The following ELL variants were observed in gnomAD, a reference collection of about 807,000 sequenced individuals.
The protein encoded by ELL is elongation factor for RNA polymerase II.
In ELL, 18 loss-of-function variants were observed where a neutral mutation model predicts 64.0. The ratio of observed to expected loss-of-function variants is 0.28; its 90% CI spans 0.19 to 0.42. The LOEUF is 0.42. ELL is among the 10% of genes least tolerant of loss of function. ELL has a pLI of 1.00. For synonymous variants in ELL, 399 were observed against 376.2 expected (o/e 1.06, Z -0.70); for missense variants, 797 against 870.4 (o/e 0.92, Z 1.06).
At chr19:18,521,836 A>AT in intron 1 of ELL, 85 bp downstream of exon 1, 1 of 1,486,038 alleles carries the variant, frequency 6.7e-7, no homozygotes. Flanking sequence ...AGCGTCTCCG[A>AT]GCCCGGACGC....
At chr19:18,509,582 T>TGTGCGCGCGCGCGCGC (rs1555739214) in intron 1 of ELL, among the ~76,000 whole-genome samples, 7 of 95,536 alleles carry the variant, frequency 7.3e-5, no homozygotes, top group African/African-American at 2.8e-4. Context: ...CCAATGCACG[T>TGTGCGCGCGCGCGCGC]GCGCGCGCGC....
chr19:18,453,865 G>A (rs924570760), intron 6 of ELL, among the ~76,000 whole-genome samples: 9 of 152,130 alleles, frequency 5.9e-5, no homozygotes, highest in African/African-American at 7.2e-5. Context: ...CACCACGCCC[G>A]GTCCTGATTC....
intron 1 of ELL, among the ~76,000 whole-genome samples, chr19:18,520,945 G>T (rs986502981): frequency 7.9e-5 from 12 of 152,066 alleles, no homozygotes; most frequent in African/African-American, 2.9e-4. Flanking sequence ...GACACAAACA[G>T]AAATGAAAAA....
At chr19:18,491,751 CA>C (rs199607470) in intron 1 of ELL, among the ~76,000 whole-genome samples, 2 of 150,044 alleles carry the variant, frequency 1.3e-5, no homozygotes, top group Non-Finnish European at 3.0e-5. Flanking sequence ...CCTGTCTCTA[CA>C]AAAAAAAACA....
Position 18,445,211 on chromosome 19 carries a change from A to C in ELL, c.1749+13T>G. Reference sequence around the variant, plus strand: ...GCTCACTTGGAGCCCACCCCAACACAAGAGACACTCACCTTTTTGATTTTT... The same window carrying C: ...GCTCACTTGGAGCCCACCCCAACACCAGAGACACTCACCTTTTTGATTTTT... On this transcript the variant is annotated intron_variant, in intron 11 of 11. Coordinates refer to ENST00000262809, the MANE Select transcript of ELL (RefSeq NM_006532.4). 1 of 1,614,086 alleles carries C rather than the reference A, an allele frequency of 6.2e-7. No homozygotes were observed.
intron 1 of ELL, among the ~76,000 whole-genome samples, chr19:18,521,633 G>C (rs912385216): frequency 6.6e-6 from 1 of 152,008 alleles, no homozygotes; most frequent in Non-Finnish European, 1.5e-5. Flanking sequence ...GAAAGGCCCC[G>C]GACGCCGCCA....
At chr19:18,447,775 C>T (rs796068797) in intron 8 of ELL, among the ~76,000 whole-genome samples, 18 of 152,152 alleles carry the variant, frequency 1.2e-4, no homozygotes, top group African/African-American at 4.3e-4. Context: ...TCAGATGTAT[C>T]CTCAATACAC....
At position 18,444,788 on chromosome 19, in the gene ELL, G is replaced by T. The variant is rs777550277; in HGVS notation, c.1830C>A (p.Ala610=). 13 of 1,609,464 alleles carry T rather than the reference G, an allele frequency of 8.1e-6. No individual in the cohort carries two copies. Among genetic ancestry groups the T allele is most frequent in the Non-Finnish European group, 1.0e-5 (12 of 1,179,720 alleles). The part of the protein sequence containing the change: ...SKLAHIKRLI[A]EYDQRQLQAW... ...CCTGCAGCTGCCGCTGGTCGTACTC[G>T]GCGATGAGCCTCTTGATGTGGGCCA... The change falls in exon 12 of 12, where the codon GCC becomes GCA. Residue 610 remains alanine, a synonymous_variant. Transcript: ENST00000262809.
At chr19:18,493,689 G>C (rs1239277734) in intron 1 of ELL, among the ~76,000 whole-genome samples, 2 of 152,204 alleles carry the variant, frequency 1.3e-5, no homozygotes, top group African/African-American at 4.8e-5. Flanking sequence ...CCAAGGCTCA[G>C]TTGGCCCTGC....
At position 18,451,357 on chromosome 19, in the gene ELL, C is replaced by T. The variant is rs566403131; in HGVS notation, c.966+195G>A. Among the ~76,000 whole-genome samples the T allele has an allele frequency of 1.4e-4, 22 of 152,346 alleles. No homozygotes were observed. The South Asian group carries it at 3.3e-3, about 23-fold the overall frequency. On this transcript the variant is annotated intron_variant, in intron 7 of 11. Transcript: ENST00000262809. ...TCCGCACTGTGACACTGGGGTGCTG[C>T]GGCCACACTGGCAGGAATCTGCCCC... is the stretch of plus-strand genomic sequence containing the variant.
Position 18,450,580 on chromosome 19 carries a change from C to A in ELL, c.1362G>T (p.Lys454Asn). Residue 454 changes from lysine (K) to asparagine (N), a missense_variant, in exon 8 of 12, where the codon AAG becomes AAT. Coordinates refer to ENST00000262809, the MANE Select transcript of ELL (RefSeq NM_006532.4). The part of the protein sequence containing the change: ...SRSKPKKKSK[K>N]HKDKERAAED... ...CAGCCGCCCTCTCCTTGTCTTTGTGCTTCTTGGACTTCTTCTTGGGCTTGC... is the reference window on the plus strand; with the variant it reads ...CAGCCGCCCTCTCCTTGTCTTTGTGATTCTTGGACTTCTTCTTGGGCTTGC... 6.2e-7 allele frequency: 1 copy of A among 1,612,824 alleles called. No homozygotes were observed. Among genetic ancestry groups the A allele is most frequent in the Non-Finnish European group, 8.5e-7 (1 of 1,179,808 alleles).
rs543728298 is a variant in ELL at position 18,464,965 on chromosome 19, T to C, written c.469+447A>G. On this transcript the variant is annotated intron_variant, in intron 4 of 11. Coordinates refer to ENST00000262809, the MANE Select transcript of ELL (RefSeq NM_006532.4). ...CTGCCTGTTGCCGGCTGTGGTGGCG[T>C]TGGGCAGGAGCTGGCTGGTCAGGTG... Among the ~76,000 whole-genome samples, 10 of 152,298 alleles carry C rather than the reference T, an allele frequency of 6.6e-5. No homozygotes were observed. The East Asian group carries it at 1.2e-3, about 18-fold the overall frequency.
chr19:18,521,879 C>T (rs906549335), intron 1 of ELL, 42 bp downstream of exon 1: 3 of 1,540,366 alleles, frequency 1.9e-6, no homozygotes, highest in Non-Finnish European at 2.6e-6. Flanking sequence ...CGGCCCGCGT[C>T]CGGACGTTCC....
At chr19:18,506,050 C>G (rs1975878692) in intron 1 of ELL, among the ~76,000 whole-genome samples, 1 of 152,222 alleles carries the variant, frequency 6.6e-6, no homozygotes, top group African/African-American at 2.4e-5. Flanking sequence ...CCTGGGACAA[C>G]AGTCTAGACA....
chr19:18,453,108 C>A (rs1040044395), intron 6 of ELL, among the ~76,000 whole-genome samples: 1 of 152,138 alleles, frequency 6.6e-6, no homozygotes, highest in African/African-American at 2.4e-5. Context: ...CCCGTCTCTC[C>A]TAAACGTACA....
Position 18,442,867 on chromosome 19 carries a change from C to T in ELL, c.*1885G>A. 1 of 186,210 alleles carries T rather than the reference C, an allele frequency of 5.4e-6. No individual in the cohort carries two copies. Among genetic ancestry groups the T allele is most frequent in the Non-Finnish European group, 9.7e-6 (1 of 103,422 alleles). 11.5% of individuals were successfully genotyped at this position (186,210 alleles called of 1,614,324 possible). Reference sequence around the variant, plus strand: ...AAAATAGTTTTTCTCCACAGTACAACATTAAAAGAAAAAAAAATAGTATCA... The same window carrying T: ...AAAATAGTTTTTCTCCACAGTACAATATTAAAAGAAAAAAAAATAGTATCA... On this transcript the variant is annotated 3_prime_UTR_variant, in exon 12 of 12. Coordinates refer to ENST00000262809, the MANE Select transcript of ELL (RefSeq NM_006532.4).
chr19:18,484,433 C>T (rs1433269900), intron 1 of ELL, among the ~76,000 whole-genome samples: 3 of 152,116 alleles, frequency 2.0e-5, no homozygotes, highest in Non-Finnish European at 4.4e-5. Flanking sequence ...CCACTGCACT[C>T]CAGCCTGGGC....
intron 6 of ELL, among the ~76,000 whole-genome samples, chr19:18,455,209 T>A (rs972608433): frequency 1.3e-5 from 2 of 150,486 alleles, no homozygotes. Context: ...CATGATGAGT[T>A]AGGCCAGGCA....
chr19:18,486,741 G>A (rs1329996840), intron 1 of ELL, among the ~76,000 whole-genome samples: 1 of 152,196 alleles, frequency 6.6e-6, no homozygotes, highest in African/African-American at 2.4e-5. Context: ...GATAGGCAAA[G>A]ATCACAGAAA....
Sources: gnomAD v4.1 joint callset for allele counts (sites outside exome capture counted in the v4.1 genomes callset) on GRCh38, gnomAD v4.1.1 for gene constraint, MANE v1.5 for transcripts, NCBI Gene and HGNC (gene_info 2026-07-23, HGNC 2026-07-21) for gene names.